The following NRF1 variants were observed in gnomAD, a reference collection of about 807,000 sequenced individuals.
The protein encoded by NRF1 is nuclear respiratory factor 1, also known as alpha palindromic-binding protein.
A neutral mutation model predicts 58.5 loss-of-function variants in NRF1; 5 were observed. The observed-to-expected ratio is 0.09, with a 90% CI of 0.04 to 0.18. NRF1 has a LOEUF of 0.18. Among genes scored for constraint, NRF1 ranks in the 10% least tolerant of loss-of-function variants. NRF1 has a pLI of 1.00. For missense variants in NRF1, 288 were observed against 657.7 expected, an observed-to-expected ratio of 0.44 and a Z score of 6.15; for synonymous variants, 224 against 246.7, an observed-to-expected ratio of 0.91 and a Z score of 0.86.
At chr7:129,718,034 G>A (rs1481299154) in intron 9 of NRF1, among the ~76,000 whole-genome samples, 2 of 152,160 alleles carry the variant, frequency 1.3e-5, no homozygotes, top group Non-Finnish European at 2.9e-5. Context: ...GGAAAATAAT[G>A]AACTTTTTTC....
At chr7:129,656,932 G>T (rs1801670882) in intron 1 of NRF1, among the ~76,000 whole-genome samples, 1 of 152,120 alleles carries the variant, frequency 6.6e-6, no homozygotes, top group African/African-American at 2.4e-5. Flanking sequence ...AAAGTTATTT[G>T]ACTCTCACTC....
intron 9 of NRF1, among the ~76,000 whole-genome samples, chr7:129,721,657 A>G (rs536267428): frequency 1.3e-5 from 2 of 151,624 alleles, no homozygotes; most frequent in Non-Finnish European, 2.9e-5. Context: ...AATTTTTTAT[A>G]TTTTTAGTAG....
At position 129,755,037 on chromosome 7, in the gene NRF1, G is replaced by A; in HGVS notation, c.1368G>A (p.Val456=). 2 of 1,611,994 alleles carry A rather than the reference G, an allele frequency of 1.2e-6. No individual in the cohort carries two copies. The highest frequency in any genetic ancestry group is 1.7e-6 in the Non-Finnish European group (2 of 1,179,264). The change falls in exon 11 of 11, where the codon GTG becomes GTA. Residue 456 remains valine (V), a synonymous_variant. Coordinates refer to ENST00000393232, the MANE Select transcript of NRF1 (RefSeq NM_005011.5). The surrounding 1 kb of genome is among the most constrained non-coding windows in gnomAD (Gnocchi z 5.8). ...CTCCAGGCCTGGTCCAGATCCCTGT[G>A]AGCATGTACCAGACTGTGGTGACCA... is the stretch of plus-strand genomic sequence containing the variant. ...QDANGLVQIP[V]SMYQTVVTSL... is the part of the protein sequence containing the mutation.
intron 10 of NRF1, among the ~76,000 whole-genome samples, chr7:129,754,486 T>TAAAAAAAAAAAAAA (rs1804203880): frequency 2.4e-5 from 1 of 42,248 alleles, no homozygotes; most frequent in South Asian, 9.0e-4. Context: ...AAAAAAAAGT[T>TAAAAAAAAAAAAAA]AAAATGGAAA....
intron 5 of NRF1, among the ~76,000 whole-genome samples, chr7:129,692,140 T>A (rs1161001700): frequency 6.6e-6 from 1 of 152,180 alleles, no homozygotes; most frequent in Admixed American, 6.5e-5. Flanking sequence ...CTCTGAAATG[T>A]ACCCTGACTC....
intron 9 of NRF1, among the ~76,000 whole-genome samples, chr7:129,724,772 T>C (rs1339026958): frequency 6.6e-6 from 1 of 152,168 alleles, no homozygotes; most frequent in Non-Finnish European, 1.5e-5. Context: ...AAAGGACAAA[T>C]ACTGTGTGGT....
Position 129,736,984 on chromosome 7 carries a change from A to G in NRF1, c.1348+9619A>G, listed in dbSNP as rs186027386. Among the ~76,000 whole-genome samples the G allele has an allele frequency of 6.0e-3, 920 of 152,340 alleles. 33 individuals carry two copies. The highest frequency in any genetic ancestry group is 0.058 in the Admixed American group (889 of 15,300). On this transcript the variant is annotated intron_variant, in intron 10 of 10. Coordinates refer to ENST00000393232, the MANE Select transcript of NRF1 (RefSeq NM_005011.5). ...TAATGATAGTTCTGTACTCAGAAGG[A>G]AGTTGTGAGCATTAAACAAGATGAT...
At chr7:129,719,655 C>CG (rs3837068) in intron 9 of NRF1, among the ~76,000 whole-genome samples, 6,461 of 152,102 alleles carry the variant, frequency 0.042, 167 homozygotes, top group Middle Eastern at 0.12. Flanking sequence ...CCCCCACTCA[C>CG]GTATATACTC....
chr7:129,688,854 A>G (rs1482866247), intron 4 of NRF1, among the ~76,000 whole-genome samples: 3 of 152,160 alleles, frequency 2.0e-5, no homozygotes, highest in African/African-American at 7.2e-5. Flanking sequence ...CTCCCTCAGA[A>G]TGTAGGAATT....
At chr7:129,699,639 G>A (rs575774006) in intron 5 of NRF1, among the ~76,000 whole-genome samples, 35 of 151,962 alleles carry the variant, frequency 2.3e-4, no homozygotes, top group Non-Finnish European at 4.9e-4. Flanking sequence ...GCTGAGGCAG[G>A]AGAATAGCTT....
chr7:129,737,404 T>A (rs1803741431), intron 10 of NRF1, among the ~76,000 whole-genome samples: 1 of 152,246 alleles, frequency 6.6e-6, no homozygotes, highest in Admixed American at 6.5e-5. Context: ...TCTCAACAGA[T>A]GCATTGTATT....
intron 1 of NRF1, among the ~76,000 whole-genome samples, chr7:129,625,703 A>G (rs1800898421): frequency 1.1e-5 from 1 of 88,374 alleles, no homozygotes; most frequent in Non-Finnish European, 2.1e-5. Context: ...TTTTTTTGAG[A>G]CGGAGTCTCG....
intron 1 of NRF1, among the ~76,000 whole-genome samples, chr7:129,632,606 A>C (rs1801075629): frequency 6.6e-6 from 1 of 152,084 alleles, no homozygotes. Context: ...GCATTTTTAC[A>C]AACTTTTTCT....
chr7:129,740,552 G>A (rs1036849202), intron 10 of NRF1, among the ~76,000 whole-genome samples: 1 of 152,132 alleles, frequency 6.6e-6, no homozygotes, highest in African/African-American at 2.4e-5. Flanking sequence ...AGAATTACCA[G>A]GCCTTTTCTG....
chr7:129,627,263 T>C (rs1365600590), intron 1 of NRF1, among the ~76,000 whole-genome samples: 3 of 152,104 alleles, frequency 2.0e-5, no homozygotes. Flanking sequence ...CAGGCTGGAG[T>C]GTAGTTAGCA....
intron 2 of NRF1, 127 bp downstream of exon 2, chr7:129,657,701 C>G (rs1433584233): frequency 6.3e-6 from 4 of 639,400 alleles, no homozygotes; most frequent in Non-Finnish European, 1.1e-5. Flanking sequence ...CCTTGATCTT[C>G]CGGGTTCAAG....
At position 129,687,420 on chromosome 7, in the gene NRF1, C is replaced by T. The variant is rs1289709859; in HGVS notation, c.466-2986C>T. Among the ~76,000 whole-genome samples the T allele has an allele frequency of 3.9e-5, 6 of 152,012 alleles. No individual in the cohort carries two copies. The East Asian group carries it at 1.2e-3, about 29-fold the overall frequency. On this transcript the variant is annotated intron_variant, in intron 4 of 10. Coordinates refer to ENST00000393232, the MANE Select transcript of NRF1 (RefSeq NM_005011.5). ...CCTCCCAAGTAGCTGGGATTACAGG[C>T]GCCCACCACCACGCCCAGCTAATTT... is the stretch of plus-strand genomic sequence containing the variant.
intron 2 of NRF1, among the ~76,000 whole-genome samples, chr7:129,658,553 T>C (rs1402054273): frequency 6.7e-6 from 1 of 148,812 alleles, no homozygotes; most frequent in Admixed American, 6.8e-5. Flanking sequence ...ATTACACCAC[T>C]GCACTACAGC....
chr7:129,720,648 G>T (rs1803301439), intron 9 of NRF1, among the ~76,000 whole-genome samples: 1 of 152,144 alleles, frequency 6.6e-6, no homozygotes, highest in Non-Finnish European at 1.5e-5. Flanking sequence ...GCAATGGCAG[G>T]TTGGGGAATA....
Sources: allele counts gnomAD v4.1 joint callset (sites outside exome capture counted in the v4.1 genomes callset), GRCh38; gene constraint gnomAD v4.1.1; non-coding constraint Gnocchi (gnomAD v3.1); transcripts MANE v1.5; gene names NCBI Gene and HGNC (gene_info 2026-07-23, HGNC 2026-07-21).